ZFHX3: variants seen among roughly 807,000 people sequenced by gnomAD.
ZFHX3 encodes the protein zinc finger homeobox 3, also known as zinc finger homeobox protein 3.
In ZFHX3, 42 loss-of-function variants were observed where a neutral mutation model predicts 279.1. The ratio of observed to expected loss-of-function variants is 0.15; its 90% CI spans 0.12 to 0.19. The LOEUF (loss-of-function observed/expected upper bound fraction) is 0.19, where lower values mean the gene tolerates loss of function less well. ZFHX3 is among the 10% of genes least tolerant of loss of function. The pLI is 1.00. For synonymous variants in ZFHX3, 2,293 were observed against 1,957.8 expected, an observed-to-expected ratio of 1.17 and a Z score of -4.52; for missense variants, 4,981 against 4,754.0, an observed-to-expected ratio of 1.05 and a Z score of -1.40.
chr16:72,986,178 A>G (rs745689280), intron 1 of ZFHX3, among the ~76,000 whole-genome samples: 1 of 151,930 alleles, frequency 6.6e-6, no homozygotes, highest in Non-Finnish European at 1.5e-5. Flanking sequence ...AGATTCTCTA[A>G]AGAACAGACT....
At chr16:73,335,456 C>T (rs1371943597) in intron 3 of ZFHX3, among the ~76,000 whole-genome samples, 1 of 152,174 alleles carries the variant, frequency 6.6e-6, no homozygotes, top group Non-Finnish European at 1.5e-5. Flanking sequence ...AAAGTTTCCG[C>T]TGCAGAATAT....
chr16:73,616,833 A>T (rs916858231), intron 2 of ZFHX3, among the ~76,000 whole-genome samples: 4 of 152,314 alleles, frequency 2.6e-5, no homozygotes, highest in South Asian at 2.1e-4. Flanking sequence ...TCTAACGTAC[A>T]TTCCTCCTTC....
At chr16:73,490,190 C>T (rs2019036182) in intron 2 of ZFHX3, among the ~76,000 whole-genome samples, 1 of 152,182 alleles carries the variant, frequency 6.6e-6, no homozygotes, top group South Asian at 2.1e-4. Context: ...AAGAATTCCG[C>T]TGCAGCTCAG....
chr16:73,798,493 C>A (rs1960059038), intron 1 of ZFHX3, among the ~76,000 whole-genome samples: 1 of 152,006 alleles, frequency 6.6e-6, no homozygotes, highest in African/African-American at 2.4e-5. Context: ...AATGGGAACC[C>A]AAACCATAAA....
chr16:73,288,800 C>A (rs771025122), intron 4 of ZFHX3, among the ~76,000 whole-genome samples: 1 of 151,842 alleles, frequency 6.6e-6, no homozygotes, highest in African/African-American at 2.4e-5. Flanking sequence ...GGTAAATAAC[C>A]GCCCGTTTTC....
intron 2 of ZFHX3, among the ~76,000 whole-genome samples, chr16:73,517,428 A>T (rs879302487): frequency 6.6e-6 from 1 of 152,194 alleles, no homozygotes; most frequent in Non-Finnish European, 1.5e-5. Context: ...GTCCCTTCTC[A>T]TTGACCTTTG....
intron 7 of ZFHX3, among the ~76,000 whole-genome samples, chr16:73,097,732 C>T (rs1448350923): frequency 1.3e-5 from 2 of 152,128 alleles, no homozygotes; most frequent in Non-Finnish European, 1.5e-5. Context: ...CCTCTTTCCC[C>T]GTCCCCGTGG....
At chr16:73,738,586 T>C (rs1379661343) in intron 1 of ZFHX3, among the ~76,000 whole-genome samples, 1 of 152,206 alleles carries the variant, frequency 6.6e-6, no homozygotes, top group Non-Finnish European at 1.5e-5. Context: ...GGTCTGCCCT[T>C]TCTTTCTCAA....
chr16:73,102,747 C>A (rs984953178), intron 7 of ZFHX3, among the ~76,000 whole-genome samples: 2 of 152,194 alleles, frequency 1.3e-5, no homozygotes, highest in African/African-American at 4.8e-5. Flanking sequence ...AAGTTCCTTA[C>A]CTCTCTAAGC....
At chr16:73,736,656 G>A (rs1477550502) in intron 1 of ZFHX3, among the ~76,000 whole-genome samples, 1 of 152,188 alleles carries the variant, frequency 6.6e-6, no homozygotes. Flanking sequence ...CAGACCAAAG[G>A]AAAGAGTCTC....
intron 7 of ZFHX3, among the ~76,000 whole-genome samples, chr16:73,100,596 C>T (rs1380584687): frequency 3.8e-5 from 5 of 132,042 alleles, no homozygotes; most frequent in South Asian, 2.8e-4. Flanking sequence ...TTTTTTGAGA[C>T]GGAGTCTTAG....
intron 1 of ZFHX3, among the ~76,000 whole-genome samples, chr16:73,027,280 T>C (rs903678079): frequency 5.3e-5 from 8 of 152,144 alleles, no homozygotes; most frequent in African/African-American, 1.4e-4. Flanking sequence ...TATCTACTAA[T>C]AGAATACCAC....
intron 3 of ZFHX3, among the ~76,000 whole-genome samples, chr16:73,389,778 G>A (rs896632508): frequency 2.0e-5 from 3 of 152,202 alleles, no homozygotes; most frequent in Non-Finnish European, 2.9e-5. Context: ...TTGAAAAATC[G>A]GCCAGGCATG....
chr16:72,927,921 AG>A (rs1320437400), intron 3 of ZFHX3, among the ~76,000 whole-genome samples: 2 of 151,138 alleles, frequency 1.3e-5, no homozygotes, highest in African/African-American at 4.9e-5. Context: ...AATCCACGGA[AG>A]GTGGGGAGGA....
chr16:72,840,469 A>G (rs2037318870), intron 4 of ZFHX3, among the ~76,000 whole-genome samples: 1 of 152,242 alleles, frequency 6.6e-6, no homozygotes, highest in Non-Finnish European at 1.5e-5. Context: ...GACAATACCA[A>G]TGGGAATGAC....
chr16:73,743,312 A>T (rs1257085171), intron 1 of ZFHX3, among the ~76,000 whole-genome samples: 1 of 152,202 alleles, frequency 6.6e-6, no homozygotes, highest in African/African-American at 2.4e-5. Context: ...TCCACAGTTG[A>T]TTTCATCAAA....
chr16:73,852,314 C>T (rs986795454), intron 1 of ZFHX3, among the ~76,000 whole-genome samples: 6 of 152,156 alleles, frequency 3.9e-5, no homozygotes, highest in Admixed American at 2.6e-4. Flanking sequence ...AATGGTGAGT[C>T]TACTCACAGG....
rs2143690750 is a variant in ZFHX3 at position 73,512,492 on chromosome 16, G to A, written c.-1546-56234C>T. ...GAATGGATCTATACAGAAGTCTTCT[G>A]TGGAAAAAAAAAAAGAAAAAAGGTA... On this transcript the variant is annotated intron_variant, in intron 2 of 17. Coordinates refer to the ZFHX3 transcript ENST00000641206. 1.4e-5 allele frequency among the ~76,000 whole-genome samples: 2 copies of A among 141,366 alleles called. 1 individual carries two copies. The highest frequency in any genetic ancestry group is 4.9e-4 in the South Asian group (2 of 4,118). The allele number at this position is 141,366 out of a possible 152,430, so 92.7% of individuals were successfully genotyped here.
intron 4 of ZFHX3, among the ~76,000 whole-genome samples, chr16:73,315,216 A>AG (rs1464830391): frequency 6.9e-6 from 1 of 145,008 alleles, no homozygotes; most frequent in Non-Finnish European, 1.5e-5. Context: ...TCCATCTCAA[A>AG]AAGAAAAAAA....
Sources: allele counts gnomAD v4.1 joint callset (sites outside exome capture counted in the v4.1 genomes callset), GRCh38; gene constraint gnomAD v4.1.1; transcripts MANE v1.5; gene names NCBI Gene and HGNC (gene_info 2026-07-23, HGNC 2026-07-21).